The following CDKL5 variants were observed in gnomAD, a reference collection of about 807,000 sequenced individuals.
CDKL5 encodes the protein cyclin dependent kinase like 5.
A neutral mutation model predicts 61.7 loss-of-function variants in CDKL5; 8 were observed. That is an observed-to-expected ratio of 0.13 (90% confidence interval 0.08 to 0.23). The LOEUF (loss-of-function observed/expected upper bound fraction) is 0.23, where lower values mean the gene tolerates loss of function less well. CDKL5 is among the 10% of genes least tolerant of loss of function. CDKL5 has a pLI of 1.00. For missense variants in CDKL5, 440 were observed against 734.5 expected (o/e 0.60, Z 4.63); for synonymous variants, 275 against 272.3 (o/e 1.01, Z -0.10).
chrX:18,538,486 A>T (rs1923917220), intron 3 of CDKL5, among the ~76,000 whole-genome samples: 1 of 111,067 alleles, frequency 9.0e-6, no homozygotes, highest in African/African-American at 3.3e-5. Flanking sequence ...TTGGTGTCAA[A>T]TCTGAGAAAT....
chrX:18,580,715 A>C (rs1006987302), intron 6 of CDKL5, among the ~76,000 whole-genome samples: 1 of 111,873 alleles, frequency 8.9e-6, no homozygotes, highest in Non-Finnish European at 1.9e-5. Flanking sequence ...ATGACCCTAA[A>C]TATTTATTTA....
At chrX:18,542,281 ACCACT>A (rs1924050378) in intron 3 of CDKL5, among the ~76,000 whole-genome samples, 1 of 110,991 alleles carries the variant, frequency 9.0e-6, no homozygotes, top group African/African-American at 3.3e-5. Flanking sequence ...GTATCTTGTG[ACCACT>A]CCCCACGTTG....
At chrX:18,609,403 G>C in intron 13 of CDKL5, 62 bp from the exon 14 acceptor site, 1 of 1,209,863 alleles carries the variant, frequency 8.3e-7, no homozygotes, top group Non-Finnish European at 1.1e-6. Flanking sequence ...CAAGAAAAAA[G>C]TCATAGGCAA....
At chrX:18,539,884 C>CA (rs1305819298) in intron 3 of CDKL5, among the ~76,000 whole-genome samples, 1 of 111,182 alleles carries the variant, frequency 9.0e-6, no homozygotes, top group Non-Finnish European at 1.9e-5. Context: ...AGTGTTTTAC[C>CA]ACTCAAGTGA....
At position 18,637,921 on chromosome X, in the gene CDKL5, C is replaced by T. The variant is rs777266025; in HGVS notation, c.*9164C>T. On this transcript the variant is annotated 3_prime_UTR_variant, in exon 18 of 18. Transcript: ENST00000623535. ...GAGCTCAGTAGGTGTCCGCACAGCC[C>T]TTTAGATGCACGTAGCCTATTTGAT... 1 of 111,990 alleles carries T rather than the reference C, an allele frequency of 8.9e-6. No homozygotes were observed. The highest frequency in any genetic ancestry group is 1.9e-5 in the Non-Finnish European group (1 of 53,225). 9.2% of individuals were successfully genotyped at this position (111,990 alleles called of 1,213,427 possible). A position where few individuals can be genotyped will look rare whatever the true frequency, so the allele number is the denominator to read the frequency against.
chrX:18,534,658 A>G (rs1189069564), intron 3 of CDKL5, among the ~76,000 whole-genome samples: 1 of 112,025 alleles, frequency 8.9e-6, no homozygotes, highest in Non-Finnish European at 1.9e-5. Context: ...AATTTTCTCA[A>G]GATGAATTAG....
chrX:18,428,628 C>A (rs1931416583), intron 1 of CDKL5, among the ~76,000 whole-genome samples: 1 of 111,425 alleles, frequency 9.0e-6, no homozygotes, highest in African/African-American at 3.3e-5. Context: ...GATGACCCTT[C>A]ACTTTGGTAC....
rs1287372730 is a variant in CDKL5, at chrX:18,513,569, GA to G, written c.99+2716del. Among the ~76,000 whole-genome samples the G allele has an allele frequency of 3.6e-5, 4 of 111,536 alleles. 1 individual carries two copies. In the Admixed American group the frequency reaches 3.8e-4, roughly 11 times the overall value. On this transcript the variant is annotated intron_variant, in intron 3 of 17. Transcript: ENST00000623535. Reference sequence around the variant, plus strand: ...CTCTCTTTGCTGTCCTTCACTACATGAGGTCACACACCAGCTCTTTAAGTAT... The same window carrying G: ...CTCTCTTTGCTGTCCTTCACTACATGGGTCACACACCAGCTCTTTAAGTAT...
intron 9 of CDKL5, among the ~76,000 whole-genome samples, chrX:18,594,589 ATGT>A (rs1365784947): frequency 1.8e-5 from 2 of 111,784 alleles, no homozygotes; most frequent in Admixed American, 9.5e-5. Context: ...AGTAAATGGT[ATGT>A]TGTTGTTAAA....
At chrX:18,511,143 A>G (rs1025254528) in intron 3 of CDKL5, among the ~76,000 whole-genome samples, 7 of 112,142 alleles carry the variant, frequency 6.2e-5, no homozygotes, top group African/African-American at 2.3e-4. Context: ...TTTGCCTAAA[A>G]CAAAGTTTAA....
chrX:18,446,693 G>A (rs769403208), intron 1 of CDKL5, among the ~76,000 whole-genome samples: 3 of 111,526 alleles, frequency 2.7e-5, no homozygotes, highest in African/African-American at 6.5e-5. Flanking sequence ...AACCCCAGTC[G>A]GTATTCCCTG....
rs766846661 is a variant in CDKL5, at chrX:18,613,111, A to G, written c.2153-41A>G. ...CTCTGTCTAAAAAAAAAAAAAAAAA[A>G]AAAGAAAAGTCCATCAGTGACTTAC... is the stretch of plus-strand genomic sequence containing the variant. On this transcript the variant is annotated intron_variant, in intron 14 of 17. Transcript: ENST00000623535. The G allele has an allele frequency of 3.6e-5, 39 of 1,081,509 alleles. No individual in the cohort carries two copies. In the East Asian group the frequency reaches 5.7e-4, roughly 16 times the overall value. 89.1% of individuals were successfully genotyped at this position (1,081,509 alleles called of 1,213,427 possible).
intron 2 of CDKL5, among the ~76,000 whole-genome samples, chrX:18,510,191 T>C (rs1018864319): frequency 9.0e-6 from 1 of 111,489 alleles, no homozygotes; most frequent in Non-Finnish European, 1.9e-5. Flanking sequence ...AGTCTTGCTC[T>C]GTTGCCCAGG....
chrX:18,525,445 G>T (rs1263790065), intron 3 of CDKL5, among the ~76,000 whole-genome samples: 1 of 111,428 alleles, frequency 9.0e-6, no homozygotes, highest in Non-Finnish European at 1.9e-5. Context: ...ATGTTGACCA[G>T]GCTGGCTCTT....
chrX:18,450,068 C>T (rs949820176), intron 1 of CDKL5, among the ~76,000 whole-genome samples: 2 of 112,414 alleles, frequency 1.8e-5, no homozygotes, highest in African/African-American at 6.5e-5. Context: ...GCTGGGATTA[C>T]AGGCATGAGC....
At chrX:18,651,264 T>TGTGTGAGAGAGA (rs1491242962) in intron 21 of CDKL5, among the ~76,000 whole-genome samples, 22 of 69,004 alleles carry the variant, frequency 3.2e-4, no homozygotes, top group African/African-American at 1.4e-3. Flanking sequence ...TGTGTGTGTG[T>TGTGTGAGAGAGA]GAGAGAGAGA....
At chrX:18,596,033 T>C (rs1246697638) in intron 10 of CDKL5, among the ~76,000 whole-genome samples, 6 of 111,708 alleles carry the variant, frequency 5.4e-5, no homozygotes. Context: ...GACAGTCGGC[T>C]CCTTGAGTGG....
rs1479590502 is a variant in CDKL5 at position 18,633,117 on chromosome X, T to A, written c.*4360T>A. The A allele has an allele frequency of 1.3e-6, 1 of 752,489 alleles. No homozygotes were observed. Among genetic ancestry groups the A allele is most frequent in the Non-Finnish European group, 1.6e-6 (1 of 639,148 alleles). 62.0% of individuals were successfully genotyped at this position (752,489 alleles called of 1,213,427 possible). A position where few individuals can be genotyped will look rare whatever the true frequency, so the allele number is the denominator to read the frequency against. ...CGTTCTCTGCTGGTCAGAACATGTTTCCTGGAGAGCATTGCTTTTCTATCT... is the reference window on the plus strand; with the variant it reads ...CGTTCTCTGCTGGTCAGAACATGTTACCTGGAGAGCATTGCTTTTCTATCT... On this transcript the variant is annotated 3_prime_UTR_variant, in exon 18 of 18. Transcript: ENST00000623535.
At chrX:18,483,445 T>G (rs773008688) in intron 1 of CDKL5, among the ~76,000 whole-genome samples, 2 of 108,812 alleles carry the variant, frequency 1.8e-5, no homozygotes, top group Non-Finnish European at 3.8e-5. Context: ...TGAGATGGAG[T>G]CTCGCTCTGT....
Sources: gnomAD v4.1 joint callset for allele counts (sites outside exome capture counted in the v4.1 genomes callset) on GRCh38, gnomAD v4.1.1 for gene constraint, MANE v1.5 for transcripts, NCBI Gene and HGNC (gene_info 2026-07-23, HGNC 2026-07-21) for gene names.